CSMD1: variants seen among roughly 807,000 people sequenced by gnomAD.
CSMD1 encodes CUB and sushi domain-containing protein 1.
In CSMD1, 213 loss-of-function variants were observed where a neutral mutation model predicts 417.5. That is an observed-to-expected ratio of 0.51 (90% CI 0.46 to 0.57). CSMD1 has a LOEUF of 0.57. CSMD1 is among the 20% of genes least tolerant of loss of function. The pLI, the probability that CSMD1 is intolerant of heterozygous loss-of-function variation, is 0.00. For synonymous variants in CSMD1, 2,862 were observed against 1,736.8 expected, an observed-to-expected ratio of 1.65 and a Z score of -16.11; for missense variants, 6,923 against 4,529.7, an observed-to-expected ratio of 1.53 and a Z score of -15.17.
At chr8:4,453,453 G>A (rs746762824) in intron 2 of CSMD1, among the ~76,000 whole-genome samples, 1 of 152,164 alleles carries the variant, frequency 6.6e-6, no homozygotes, top group East Asian at 1.9e-4. Context: ...TGGTGCAGCA[G>A]CAAGAACGGT....
chr8:4,662,724 T>C (rs1260889722), intron 1 of CSMD1, among the ~76,000 whole-genome samples: 1 of 152,176 alleles, frequency 6.6e-6, no homozygotes, highest in Non-Finnish European at 1.5e-5. Context: ...ACGCAATTAT[T>C]CGTCACATAC....
intron 12 of CSMD1, among the ~76,000 whole-genome samples, chr8:3,454,647 C>G (rs934856452): frequency 6.6e-6 from 1 of 152,194 alleles, no homozygotes; most frequent in African/African-American, 2.4e-5. Flanking sequence ...GGCCCCCACT[C>G]TCTTCTGGCT....
chr8:3,764,959 G>A (rs1798192691), intron 5 of CSMD1, among the ~76,000 whole-genome samples: 1 of 151,770 alleles, frequency 6.6e-6, no homozygotes, highest in Admixed American at 6.6e-5. Context: ...TGACCAGGCT[G>A]GTCTCGAACT....
intron 52 of CSMD1, among the ~76,000 whole-genome samples, chr8:3,005,164 A>G (rs867300081): frequency 6.6e-6 from 1 of 152,126 alleles, no homozygotes; most frequent in East Asian, 1.9e-4. Context: ...CAATAACAAT[A>G]ATACGGTGAA....
At chr8:3,794,015 G>C (rs565127046) in intron 5 of CSMD1, among the ~76,000 whole-genome samples, 1 of 152,228 alleles carries the variant, frequency 6.6e-6, no homozygotes, top group East Asian at 1.9e-4. Flanking sequence ...TATCCCACGC[G>C]TAGACAGACG....
intron 2 of CSMD1, among the ~76,000 whole-genome samples, chr8:4,558,170 T>A (rs1032680192): frequency 4.6e-5 from 7 of 152,142 alleles, no homozygotes; most frequent in Admixed American, 3.9e-4. Context: ...AAAGAGTAAC[T>A]ACAAAAGCAT....
intron 2 of CSMD1, among the ~76,000 whole-genome samples, chr8:4,466,654 G>A (rs959475646): frequency 6.6e-6 from 1 of 152,056 alleles, no homozygotes. Context: ...TAATTTTTCA[G>A]AACAAATATA....
At chr8:4,620,494 C>G (rs2130813338) in intron 2 of CSMD1, among the ~76,000 whole-genome samples, 1 of 151,384 alleles carries the variant, frequency 6.6e-6, no homozygotes, top group African/African-American at 2.4e-5. Flanking sequence ...AAAAAGTTAC[C>G]CCAAGATGAT....
intron 3 of CSMD1, among the ~76,000 whole-genome samples, chr8:4,130,892 G>A (rs984298916): frequency 2.0e-5 from 3 of 151,738 alleles, no homozygotes; most frequent in Admixed American, 6.6e-5. Flanking sequence ...GAGATAGGTA[G>A]AACAATGCAT....
intron 5 of CSMD1, among the ~76,000 whole-genome samples, chr8:3,805,742 T>A (rs913289825): frequency 6.6e-6 from 1 of 152,168 alleles, no homozygotes; most frequent in African/African-American, 2.4e-5. Context: ...TCTTACTTGT[T>A]TGTGATACTC....
At chr8:3,353,937 T>C (rs1014683209) in intron 21 of CSMD1, among the ~76,000 whole-genome samples, 1 of 152,152 alleles carries the variant, frequency 6.6e-6, no homozygotes, top group Non-Finnish European at 1.5e-5. Flanking sequence ...CAAAGGAATC[T>C]ACCTGTGAAA....
chr8:4,618,105 C>G (rs777826226), intron 2 of CSMD1, among the ~76,000 whole-genome samples: 9 of 152,014 alleles, frequency 5.9e-5, no homozygotes, highest in African/African-American at 1.2e-4. Flanking sequence ...TGCCGAGGTG[C>G]CAAATGTCAC....
chr8:3,691,422 G>C (rs1242301829), intron 7 of CSMD1, among the ~76,000 whole-genome samples: 1 of 151,992 alleles, frequency 6.6e-6, no homozygotes, highest in Non-Finnish European at 1.5e-5. Context: ...ACAAAAAACT[G>C]TGTCAATGAA....
intron 8 of CSMD1, among the ~76,000 whole-genome samples, chr8:3,600,699 G>A (rs2117077340): frequency 6.6e-6 from 1 of 152,250 alleles, no homozygotes; most frequent in Middle Eastern, 3.4e-3. Flanking sequence ...GTCTGCAGGG[G>A]CGGTAATTTT....
intron 1 of CSMD1, among the ~76,000 whole-genome samples, chr8:4,735,354 C>T (rs1430203456): frequency 6.6e-6 from 1 of 152,208 alleles, no homozygotes; most frequent in Non-Finnish European, 1.5e-5. Flanking sequence ...CCTGGATTTT[C>T]TGTTGCCAAG....
Position 4,746,730 on chromosome 8 carries a change from G to A in CSMD1, c.86-109172C>T, listed in dbSNP as rs187780869. 1.1e-4 allele frequency among the ~76,000 whole-genome samples: 17 copies of A among 152,234 alleles called. No individual in the cohort carries two copies. The East Asian group carries it at 2.1e-3, about 19-fold the overall frequency. On this transcript the variant is annotated intron_variant, in intron 1 of 69. Transcript: ENST00000635120. ...CTGGGGCTAATCCACAATCCACCTCGGTGGGAGTCACCGGTAGAACCTTCA... is the reference window on the plus strand; with the variant it reads ...CTGGGGCTAATCCACAATCCACCTCAGTGGGAGTCACCGGTAGAACCTTCA...
intron 1 of CSMD1, among the ~76,000 whole-genome samples, chr8:4,946,149 C>A (rs1317144958): frequency 6.6e-6 from 1 of 152,116 alleles, no homozygotes; most frequent in African/African-American, 2.4e-5. Flanking sequence ...ACTTCAAAAG[C>A]AGTTTCAATT....
At chr8:3,796,690 T>G (rs964243464) in intron 5 of CSMD1, among the ~76,000 whole-genome samples, 1 of 150,708 alleles carries the variant, frequency 6.6e-6, no homozygotes, top group South Asian at 2.1e-4. Flanking sequence ...ATTGGAAGGT[T>G]AGAAAAGATG....
At chr8:3,541,377 G>A (rs1360687094) in intron 10 of CSMD1, among the ~76,000 whole-genome samples, 2 of 152,106 alleles carry the variant, frequency 1.3e-5, no homozygotes, top group African/African-American at 4.8e-5. Flanking sequence ...GGCCTGTTGA[G>A]GGGAGCTGGG....
Sources: allele counts gnomAD v4.1 joint callset (sites outside exome capture counted in the v4.1 genomes callset), GRCh38; gene constraint gnomAD v4.1.1; transcripts MANE v1.5; gene names NCBI Gene and HGNC (gene_info 2026-07-23, HGNC 2026-07-21).